Variants in PDE4DIP observed in about 807,000 individuals in gnomAD.
PDE4DIP encodes phosphodiesterase 4D interacting protein.
In PDE4DIP, 59 loss-of-function variants were observed where a neutral mutation model predicts 221.4. The observed-to-expected ratio is 0.27, with a 90% confidence interval of 0.22 to 0.33. The LOEUF (loss-of-function observed/expected upper bound fraction) is 0.33, where lower values mean the gene tolerates loss of function less well. Among genes scored for constraint, PDE4DIP ranks in the 10% least tolerant of loss-of-function variants. The pLI, the probability that PDE4DIP is intolerant of heterozygous loss-of-function variation, is 1.00. For synonymous variants in PDE4DIP, 404 were observed against 815.9 expected, an observed-to-expected ratio of 0.50 and a Z score of 8.60; for missense variants, 1,036 against 2,154.2, an observed-to-expected ratio of 0.48 and a Z score of 10.28.
At chr1:148,930,495 C>T (rs7512736) in intron 2 of PDE4DIP, 19,772 of 149,004 alleles carry the variant, frequency 0.13, 1,347 homozygotes, top group Middle Eastern at 0.21. Flanking sequence ...CCAGCCTGGG[C>T]GACAGAGCCA....
At chr1:148,905,187 T>TTTG (rs2041490407) in intron 1 of PDE4DIP, among the ~76,000 whole-genome samples, 3 of 146,010 alleles carry the variant, frequency 2.1e-5, no homozygotes, top group African/African-American at 7.5e-5. Flanking sequence ...GGTTTTTTTT[T>TTTG]TTTTTTTTTT....
chr1:148,917,277 A>AG (rs2044310650), intron 1 of PDE4DIP, among the ~76,000 whole-genome samples: 1 of 151,040 alleles, frequency 6.6e-6, no homozygotes, highest in Non-Finnish European at 1.5e-5. Context: ...GTTTAATTGG[A>AG]GATCAGTGTG....
At chr1:148,907,050 A>G (rs2042001728) in intron 1 of PDE4DIP, among the ~76,000 whole-genome samples, 1 of 151,318 alleles carries the variant, frequency 6.6e-6, no homozygotes, top group African/African-American at 2.5e-5. Flanking sequence ...ACTCCATCTC[A>G]AAAAAACCAA....
chr1:148,980,189 G>A (rs587758338), intron 20 of PDE4DIP, among the ~76,000 whole-genome samples: 4 of 152,162 alleles, frequency 2.6e-5, no homozygotes, highest in South Asian at 2.1e-4. Flanking sequence ...CCTGTTAAAG[G>A]CTGTTCTATT....
At chr1:148,998,240 G>A (rs587658414) in exon 23 of PDE4DIP, 12 of 1,589,742 alleles carry the variant, frequency 7.5e-6, no homozygotes, top group Non-Finnish European at 1.0e-5. Flanking sequence ...AGTAACAGGT[G>A]TCTTCAGGAA....
At chr1:149,019,824 C>T (rs587670260) in intron 35 of PDE4DIP, among the ~76,000 whole-genome samples, 2 of 152,074 alleles carry the variant, frequency 1.3e-5, no homozygotes, top group Non-Finnish European at 2.9e-5. Context: ...GAAATCTTGA[C>T]GTTGATCTTT....
At chr1:148,992,214 T>G (rs782394601) in intron 22 of PDE4DIP, 12 of 865,858 alleles carry the variant, frequency 1.4e-5, no homozygotes, top group Admixed American at 6.3e-5. Flanking sequence ...TCTGCTTCCT[T>G]CCCCCTCCTA....
At chr1:148,919,713 G>A (rs587743343) in intron 1 of PDE4DIP, among the ~76,000 whole-genome samples, 4 of 151,622 alleles carry the variant, frequency 2.6e-5, no homozygotes, top group Admixed American at 2.0e-4. Flanking sequence ...TTCACTAATA[G>A]TTACTTTTCA....
intron 34 of PDE4DIP, 101 bp downstream of exon 37, chr1:149,017,980 C>G: frequency 8.6e-7 from 1 of 1,162,504 alleles, no homozygotes; most frequent in Non-Finnish European, 1.2e-6. Flanking sequence ...ATGAACAGTC[C>G]AGCAAGGGAG....
Position 149,031,772 on chromosome 1 carries a change from G to A in PDE4DIP, c.7000-172G>A, listed in dbSNP as rs587678266. On this transcript the variant is annotated intron_variant, in intron 43 of 43. Coordinates refer to ENST00000369354, the Ensembl canonical transcript of PDE4DIP. Reference sequence around the variant, plus strand: ...AGGTGGGGAGGCTCCCCCTAACCTCGGGCACCTGTTGCTCCTCCAGACTGC... The same window carrying A: ...AGGTGGGGAGGCTCCCCCTAACCTCAGGCACCTGTTGCTCCTCCAGACTGC... Among the ~76,000 whole-genome samples, 31 of 149,696 alleles carry A rather than the reference G, an allele frequency of 2.1e-4. 2 individuals are homozygous for A. In the East Asian group the frequency reaches 5.1e-3, roughly 25 times the overall value.
At position 148,902,717 on chromosome 1, in the gene PDE4DIP, C is replaced by CATATATATAT. The variant is rs57845050; in HGVS notation, c.141+12840_141+12849dup. ...TTTTATTGGCTGAGTAGTATTCTAT[C>CATATATATAT]ATATATATATATATATATATATATA... On this transcript the variant is annotated intron_variant, in intron 1 of 43. Transcript: ENST00000369354. Among the ~76,000 whole-genome samples the CATATATATAT allele has an allele frequency of 1.5e-3, 97 of 66,384 alleles. 1 individual carries two copies. Among genetic ancestry groups the CATATATATAT allele is most frequent in the East Asian group, 7.1e-3 (10 of 1,400 alleles). The allele number at this position is 66,384 out of a possible 152,430, so 43.6% of individuals were successfully genotyped here.
chr1:148,822,445 A>G (rs1553362021), intron 1 of PDE4DIP, among the ~76,000 whole-genome samples: 1 of 146,276 alleles, frequency 6.8e-6, no homozygotes, highest in South Asian at 2.1e-4. Flanking sequence ...CGGGAACCCT[A>G]TTGTGAACTG....
intron 21 of PDE4DIP, chr1:148,982,030 G>T (rs1369259642): frequency 6.5e-6 from 1 of 153,604 alleles, no homozygotes; most frequent in Admixed American, 6.4e-5. Flanking sequence ...TATTGGGAAG[G>T]CCAAGTTAAA....
In PDE4DIP at chr1:148,892,275, G is replaced by A. The variant is rs587745653; in HGVS notation, c.141+2381G>A. Reference sequence around the variant, plus strand: ...CTCCCAAAGTACTGGGATTACAGGCGTGAGCCACTGCGCCCCACCAGGATT... The same window carrying A: ...CTCCCAAAGTACTGGGATTACAGGCATGAGCCACTGCGCCCCACCAGGATT... On this transcript the variant is annotated intron_variant, in intron 1 of 43. Transcript: ENST00000369354. 3.3e-5 allele frequency among the ~76,000 whole-genome samples: 4 copies of A among 121,718 alleles called. 1 individual carries two copies. Among genetic ancestry groups the A allele is most frequent in the South Asian group, 3.0e-4 (1 of 3,332 alleles). 79.9% of individuals were successfully genotyped at this position (121,718 alleles called of 152,430 possible). A position where few individuals can be genotyped will look rare whatever the true frequency, so the allele number is the denominator to read the frequency against.
chr1:149,011,138 G>A (rs1447476964), intron 31 of PDE4DIP, among the ~76,000 whole-genome samples: 4 of 151,474 alleles, frequency 2.6e-5, no homozygotes, highest in Non-Finnish European at 5.9e-5. Context: ...GCAGTTAAAG[G>A]GGTGCATTTC....
intron 4 of PDE4DIP, among the ~76,000 whole-genome samples, chr1:148,935,259 C>A (rs2048984536): frequency 6.6e-6 from 1 of 150,698 alleles, no homozygotes; most frequent in Admixed American, 6.6e-5. Context: ...TAGTACCCAG[C>A]AGATTTTCAA....
chr1:148,953,109 C>T (rs2151336433), intron 5 of PDE4DIP: 3 of 1,613,966 alleles, frequency 1.9e-6, no homozygotes, highest in South Asian at 1.1e-5. Context: ...GAGATCAAGG[C>T]GGGGAATGGG....
chr1:149,015,190 C>T (rs2070018946), intron 32 of PDE4DIP, among the ~76,000 whole-genome samples: 1 of 151,818 alleles, frequency 6.6e-6, no homozygotes, highest in African/African-American at 2.4e-5. Context: ...GAATTTAAAA[C>T]ATCCATTGTT....
At chr1:148,981,321 A>G in exon 21 of PDE4DIP, 1 of 1,613,992 alleles carries the variant, frequency 6.2e-7, no homozygotes, top group Non-Finnish European at 8.5e-7. Context: ...CTCAGGTGTT[A>G]CGCAGTCGGC....
Sources: allele counts gnomAD v4.1 joint callset (sites outside exome capture counted in the v4.1 genomes callset), GRCh38; gene constraint gnomAD v4.1.1; transcripts MANE v1.5; gene names NCBI Gene and HGNC (gene_info 2026-07-23, HGNC 2026-07-21).